The following NCOA2 variants were observed in gnomAD, a reference collection of about 807,000 sequenced individuals.
NCOA2 encodes the protein class E basic helix-loop-helix protein 75.
Under a neutral mutation model 145.1 loss-of-function variants are expected in NCOA2, and 21 were observed. The ratio of observed to expected loss-of-function variants is 0.14; its 90% CI spans 0.10 to 0.21. The LOEUF is 0.21. Ranked by LOEUF, NCOA2 falls within the 10% of genes least tolerant of loss-of-function variation. The probability of loss-of-function intolerance (pLI) is 1.00; values close to 1 mark genes in which losing one functional copy is unlikely to be tolerated. For synonymous variants in NCOA2, 619 were observed against 637.5 expected (o/e 0.97, Z 0.44); for missense variants, 1,472 against 1,837.6 (o/e 0.80, Z 3.64).
chr8:70,271,259 A>T (rs1825023663), intron 2 of NCOA2, among the ~76,000 whole-genome samples: 1 of 152,234 alleles, frequency 6.6e-6, no homozygotes, highest in Non-Finnish European at 1.5e-5. Flanking sequence ...CTTTGAGTTA[A>T]CAAAAAATAA....
intron 11 of NCOA2, among the ~76,000 whole-genome samples, chr8:70,149,523 G>A (rs113508620): frequency 4.6e-5 from 7 of 150,682 alleles, no homozygotes; most frequent in Admixed American, 4.6e-4. Context: ...TTACAGGAGA[G>A]AGCCACCGTG....
rs569211456 is a variant in NCOA2 at position 70,110,312 on chromosome 8, A to C, written c.*3320T>G. The C allele has an allele frequency of 5.1e-6, 1 of 197,288 alleles. No individual in the cohort carries two copies. The highest frequency in any genetic ancestry group is 1.9e-4 in the South Asian group (1 of 5,208). The allele number at this position is 197,288 out of a possible 1,614,324, so 12.2% of individuals were successfully genotyped here. ...TAATACATCGGACAGCTATGTAGGA[A>C]TATACAAGACTTAAAAACAGATCTA... On this transcript the variant is annotated 3_prime_UTR_variant, in exon 23 of 23. Transcript: ENST00000452400.
At chr8:70,142,200 T>C (rs1224614711) in intron 13 of NCOA2, among the ~76,000 whole-genome samples, 1 of 152,228 alleles carries the variant, frequency 6.6e-6, no homozygotes, top group Non-Finnish European at 1.5e-5. Flanking sequence ...ACTCTTCAAA[T>C]GAGGTCTCTT....
At chr8:70,221,833 C>T (rs1820160879) in intron 2 of NCOA2, among the ~76,000 whole-genome samples, 2 of 152,084 alleles carry the variant, frequency 1.3e-5, no homozygotes, top group South Asian at 4.1e-4. Flanking sequence ...GGGATGACAG[C>T]GCACAGAAAA....
At chr8:70,132,051 T>A in intron 15 of NCOA2, 49 bp from the exon 16 acceptor site, 1 of 1,557,378 alleles carries the variant, frequency 6.4e-7, no homozygotes, top group South Asian at 1.2e-5. Flanking sequence ...GCTAGTTGAT[T>A]AGAGAACAAA....
At chr8:70,158,209 T>C (rs1402507222) in intron 10 of NCOA2, among the ~76,000 whole-genome samples, 1 of 152,188 alleles carries the variant, frequency 6.6e-6, no homozygotes, top group African/African-American at 2.4e-5. Flanking sequence ...ATTTTTTTAC[T>C]CCTAAACAGT....
chr8:70,428,684 T>C, the NCOA2 span, among the ~76,000 whole-genome samples: 1 of 152,166 alleles, frequency 6.6e-6, no homozygotes, highest in Non-Finnish European at 1.5e-5. Context: ...GAAATTATAA[T>C]GTATCTTGCA....
chr8:70,425,093 G>A, the NCOA2 span, among the ~76,000 whole-genome samples: 3 of 152,120 alleles, frequency 2.0e-5, no homozygotes, highest in South Asian at 2.1e-4. Context: ...TGACAGAAAT[G>A]CATCTTCTAG....
At chr8:70,337,501 G>T (rs1807718636) in intron 1 of NCOA2, among the ~76,000 whole-genome samples, 1 of 152,094 alleles carries the variant, frequency 6.6e-6, no homozygotes, top group Admixed American at 6.6e-5. Context: ...GGGACCTTAG[G>T]CAAGTTACCC....
At chr8:70,294,753 T>C (rs1254185330) in intron 2 of NCOA2, among the ~76,000 whole-genome samples, 1 of 152,230 alleles carries the variant, frequency 6.6e-6, no homozygotes, top group Non-Finnish European at 1.5e-5. Context: ...AAACTGCCTC[T>C]TACTTGATAT....
chr8:70,314,528 A>T (rs1281435350), intron 1 of NCOA2, among the ~76,000 whole-genome samples: 1 of 152,202 alleles, frequency 6.6e-6, no homozygotes, highest in Non-Finnish European at 1.5e-5. Flanking sequence ...TGATGGATAT[A>T]ACAAGAAATT....
the NCOA2 span, among the ~76,000 whole-genome samples, chr8:70,442,139 GAAA>G: frequency 3.8e-3 from 471 of 122,866 alleles, 2 homozygotes; most frequent in African/African-American, 0.019. Context: ...AAGAAAGAAA[GAAA>G]GAAAGAAAGA....
intron 4 of NCOA2, among the ~76,000 whole-genome samples, chr8:70,195,345 C>T (rs1023717558): frequency 1.3e-5 from 2 of 152,150 alleles, no homozygotes; most frequent in Non-Finnish European, 2.9e-5. Context: ...GCTGTAAACA[C>T]TAGAGTGATG....
At chr8:70,220,421 G>A (rs1820037159) in intron 2 of NCOA2, among the ~76,000 whole-genome samples, 1 of 152,116 alleles carries the variant, frequency 6.6e-6, no homozygotes, top group Admixed American at 6.6e-5. Flanking sequence ...GAAAAAAAAA[G>A]TTTCAAATCA....
intron 1 of NCOA2, among the ~76,000 whole-genome samples, chr8:70,339,219 T>C (rs1807903613): frequency 6.6e-6 from 1 of 152,166 alleles, no homozygotes; most frequent in Non-Finnish European, 1.5e-5. Context: ...CCTAAACTGA[T>C]AAGCAACTTC....
At chr8:70,365,084 A>G (rs2131113896) in intron 1 of NCOA2, among the ~76,000 whole-genome samples, 1 of 152,314 alleles carries the variant, frequency 6.6e-6, no homozygotes, top group Admixed American at 6.5e-5. Context: ...TGTAATCCCA[A>G]TATTTTGGGA....
Position 70,110,675 on chromosome 8 carries a change from T to C in NCOA2, c.*2957A>G, listed in dbSNP as rs1806461006. On this transcript the variant is annotated 3_prime_UTR_variant, in exon 23 of 23. Coordinates refer to ENST00000452400, the MANE Select transcript of NCOA2 (RefSeq NM_006540.4). ...TATGAACTCCATTTTTGAACACAGA[T>C]TAAAAATTGCATTATATAAACTGCA... 4.6e-6 allele frequency: 1 copy of C among 215,242 alleles called. No individual in the cohort carries two copies. The highest frequency in any genetic ancestry group is 9.4e-6 in the Non-Finnish European group (1 of 106,680). 13.3% of individuals were successfully genotyped at this position (215,242 alleles called of 1,614,324 possible).
intron 2 of NCOA2, among the ~76,000 whole-genome samples, chr8:70,283,674 AAT>A (rs1826041998): frequency 6.6e-6 from 1 of 152,216 alleles, no homozygotes; most frequent in East Asian, 1.9e-4. Context: ...ATTTTCTGAT[AAT>A]ATGTCAAAAT....
intron 1 of NCOA2, among the ~76,000 whole-genome samples, chr8:70,351,751 ATTTTTTTTTTT>A (rs1266426866): frequency 3.1e-5 from 4 of 129,886 alleles, no homozygotes; most frequent in African/African-American, 1.1e-4. Context: ...ACCCCGGCTA[ATTTTTTTTTTT>A]TTTTTTTTTT....
Sources: gnomAD v4.1 joint callset for allele counts (sites outside exome capture counted in the v4.1 genomes callset) on GRCh38, gnomAD v4.1.1 for gene constraint, MANE v1.5 for transcripts, NCBI Gene and HGNC (gene_info 2026-07-23, HGNC 2026-07-21) for gene names.